ARFGAP1: variants seen among roughly 807,000 people sequenced by gnomAD.
The protein encoded by ARFGAP1 is ARF GTPase activating protein 1, also known as ADP-ribosylation factor GTPase-activating protein 1.
Under a neutral mutation model 54.0 loss-of-function variants are expected in ARFGAP1, and 26 were observed. The observed-to-expected ratio is 0.48, with a 90% CI of 0.35 to 0.67. The LOEUF (loss-of-function observed/expected upper bound fraction) is 0.67, where lower values mean the gene tolerates loss of function less well. Among genes scored for constraint, ARFGAP1 ranks in the 30% least tolerant of loss-of-function variants. ARFGAP1 has a pLI of 0.00. For missense variants in ARFGAP1, 525 were observed against 535.8 expected, an observed-to-expected ratio of 0.98 and a Z score of 0.20; for synonymous variants, 248 against 211.9, an observed-to-expected ratio of 1.17 and a Z score of -1.48.
Position 63,284,881 on chromosome 20 carries a change from C to G in ARFGAP1, c.733C>G (p.His245Asp). The change falls in exon 10 of 13, where the codon CAC becomes GAC. Residue 245 changes from histidine to aspartate, a missense_variant. Transcript: ENST00000370283. Reference protein sequence around the residue: ...QASQKASELGHSLNENVLKPA... With the variant: ...QASQKASELGDSLNENVLKPA... Reference sequence around the variant, plus strand: ...CTTCCTACAGGCGTCCGAGCTGGGCCACAGCCTGAACGAGAACGTCCTCAA... The same window carrying G: ...CTTCCTACAGGCGTCCGAGCTGGGCGACAGCCTGAACGAGAACGTCCTCAA... 1 of 1,613,104 alleles carries G rather than the reference C, an allele frequency of 6.2e-7. No homozygotes were observed. The highest frequency in any genetic ancestry group is 8.5e-7 in the Non-Finnish European group (1 of 1,179,944).
chr20:63,286,126 G>A (rs1420350159), intron 11 of ARFGAP1: 13 of 1,550,084 alleles, frequency 8.4e-6, no homozygotes, highest in Non-Finnish European at 9.6e-6. Flanking sequence ...AGCATGTGGT[G>A]GGAGCTCTTG....
chr20:63,281,868 G>A lies in ARFGAP1; in HGVS notation c.684+521G>A, dbSNP rs555241588. On this transcript the variant is annotated intron_variant, in intron 8 of 12. Coordinates refer to ENST00000370283, the MANE Select transcript of ARFGAP1 (RefSeq NM_018209.4). ...AGCATGGGCCCCCGGGGGCTGGGCTGTGGTGTTACAGGAGAAGGGGAAGCC... is the reference window on the plus strand; with the variant it reads ...AGCATGGGCCCCCGGGGGCTGGGCTATGGTGTTACAGGAGAAGGGGAAGCC... Among the ~76,000 whole-genome samples the A allele has an allele frequency of 2.6e-5, 4 of 152,268 alleles. No homozygotes were observed. The South Asian group carries it at 6.3e-4, about 24-fold the overall frequency.
intron 9 of ARFGAP1, chr20:63,284,648 T>C: frequency 2.2e-6 from 3 of 1,389,324 alleles, no homozygotes; most frequent in Middle Eastern, 3.8e-4. Context: ...CCTGCAAGAA[T>C]TGGTGGGGGC....
In ARFGAP1 at chr20:63,278,844, G is replaced by A. The variant is rs113630351; in HGVS notation, c.531-55G>A. 3.0e-5 allele frequency: 47 copies of A among 1,585,370 alleles called. No homozygotes were observed. In the African/African-American group the frequency reaches 3.2e-4, roughly 11 times the overall value. ...CCTGTGTTCAGGGCCCCACGCCCTC[G>A]GGAGGAGCAGGGTTCATGCCAGCAT... On this transcript the variant is annotated intron_variant, in intron 6 of 12. Transcript: ENST00000370283.
chr20:63,273,615 C>A (rs975593595), intron 1 of ARFGAP1: 5 of 152,206 alleles, frequency 3.3e-5, no homozygotes, highest in African/African-American at 1.2e-4. Flanking sequence ...TAAATCCAAG[C>A]CAAGTCCTTT....
chr20:63,277,994 G>C (rs572005393), intron 5 of ARFGAP1, 123 bp from the exon 6 acceptor site: 3 of 813,014 alleles, frequency 3.7e-6, no homozygotes, highest in African/African-American at 3.4e-5. Flanking sequence ...CCTGGCCTCA[G>C]GTGCTCTCAG....
rs78115653 is a variant in ARFGAP1, at chr20:63,283,009, C to G, written c.717+158C>G. On this transcript the variant is annotated intron_variant, in intron 9 of 12. Transcript: ENST00000370283. ...AAGGGGGTGTTCCTGCCATGCTGTT[C>G]CCCTCCTCATGCCCGGGTGGCTGCC... 6.9e-3 allele frequency: 5,435 copies of G among 787,852 alleles called. 159 individuals are homozygous for G. Among genetic ancestry groups the G allele is most frequent in the East Asian group, 0.055 (2,075 of 37,574 alleles). 48.8% of individuals were successfully genotyped at this position (787,852 alleles called of 1,614,324 possible).
intron 10 of ARFGAP1, chr20:63,285,426 A>C (rs2067505254): frequency 6.8e-6 from 4 of 591,844 alleles, no homozygotes; most frequent in Admixed American, 3.0e-5. Flanking sequence ...ATTTGTCAGC[A>C]GTGGCCGGCA....
rs1342002519 is a variant in ARFGAP1 at position 63,283,095 on chromosome 20, C to T, written c.717+244C>T. ...GTTTCCTGTTCACTGGTAGCTGGTACCGGTGTGTGGCCACTGCAGCCGGCC... is the reference window on the plus strand; with the variant it reads ...GTTTCCTGTTCACTGGTAGCTGGTATCGGTGTGTGGCCACTGCAGCCGGCC... On this transcript the variant is annotated intron_variant, in intron 9 of 12. Coordinates refer to ENST00000370283, the MANE Select transcript of ARFGAP1 (RefSeq NM_018209.4). The T allele has an allele frequency of 3.0e-5, 17 of 569,120 alleles. No individual in the cohort carries two copies. In the East Asian group the frequency reaches 3.8e-4, roughly 13 times the overall value. The allele number at this position is 569,120 out of a possible 1,614,324, so 35.3% of individuals were successfully genotyped here.
intron 7 of ARFGAP1, 45 bp downstream of exon 7, chr20:63,279,040 C>T: frequency 6.3e-7 from 1 of 1,595,382 alleles, no homozygotes; most frequent in South Asian, 1.1e-5. Context: ...GCAGACCCCG[C>T]CCTGAGGGCA....
At chr20:63,287,225 G>A (rs2123325111) in intron 12 of ARFGAP1, among the ~76,000 whole-genome samples, 1 of 152,400 alleles carries the variant, frequency 6.6e-6, no homozygotes, top group Middle Eastern at 3.4e-3. Flanking sequence ...GGGAGGGCCT[G>A]TGTCCCGGCT....
Position 63,288,135 on chromosome 20 carries a change from C to CG in ARFGAP1, c.*266dup, listed in dbSNP as rs2067615088. 5.0e-6 allele frequency: 3 copies of CG among 597,662 alleles called. No homozygotes were observed. The highest frequency in any genetic ancestry group is 9.1e-6 in the Non-Finnish European group (3 of 329,166). 37.0% of individuals were successfully genotyped at this position (597,662 alleles called of 1,614,324 possible). A position where few individuals can be genotyped will look rare whatever the true frequency, so the allele number is the denominator to read the frequency against. ...CCCTGGGCATTCTTGGACTCAAGGC[C>CG]GGGGCTCTGCGTGGCTTGCTGGGAG... On this transcript the variant is annotated 3_prime_UTR_variant, in exon 13 of 13. Coordinates refer to ENST00000370283, the MANE Select transcript of ARFGAP1 (RefSeq NM_018209.4).
chr20:63,275,974 C>A (rs2067225150), intron 2 of ARFGAP1, 117 bp from the exon 3 acceptor site: 3 of 909,258 alleles, frequency 3.3e-6, no homozygotes, highest in African/African-American at 1.6e-5. Context: ...CTGACCCACA[C>A]CCCCGGCCAC....
chr20:63,287,814 A>G lies in ARFGAP1; in HGVS notation c.1162A>G (p.Lys388Glu). ...CGGCGGGGAGGGCGGGGAGGGCACC[A>G]AGAAGGCAGTGCCGCCGGCCGTGCC... ...SDGGEGGEGTKKAVPPAVPTD... is the reference protein window; with the variant it reads ...SDGGEGGEGTEKAVPPAVPTD... The change falls in exon 13 of 13, where the codon AAG becomes GAG. Residue 388 changes from lysine to glutamate, a missense_variant. Lys to Glu is a moderately conservative substitution (Grantham distance 56). Transcript: ENST00000370283. 6.3e-7 allele frequency: 1 copy of G among 1,593,052 alleles called. No homozygotes were observed. Among genetic ancestry groups the G allele is most frequent in the Non-Finnish European group, 8.5e-7 (1 of 1,170,450 alleles).
intron 7 of ARFGAP1, 81 bp from the exon 8 acceptor site, chr20:63,281,210 C>T: frequency 1.4e-6 from 2 of 1,468,878 alleles, no homozygotes; most frequent in South Asian, 1.2e-5. Context: ...CCTTGGTCCT[C>T]TTCCTTGCTG....
In ARFGAP1 at chr20:63,276,744, G is replaced by T; in HGVS notation, c.342+93G>T. 2 of 1,397,604 alleles carry T rather than the reference G, an allele frequency of 1.4e-6. No homozygotes were observed. The allele number at this position is 1,397,604 out of a possible 1,614,324, so 86.6% of individuals were successfully genotyped here. A position where few individuals can be genotyped will look rare whatever the true frequency, so the allele number is the denominator to read the frequency against. ...TGTGGCCTTTAGTGGTTCTGGAGTC[G>T]GTTCTTCTGCTGGTTCTGACACACC... On this transcript the variant is annotated intron_variant, in intron 4 of 12. Transcript: ENST00000370283. The surrounding 1 kb of genome is among the most constrained non-coding windows in gnomAD (Gnocchi z 5.2).
chr20:63,286,424 C>T lies in ARFGAP1; in HGVS notation c.893C>T (p.Ala298Val). Residue 298 changes from alanine to valine, a missense_variant, in exon 12 of 13, where the codon GCA becomes GTA. This residue lies in a region of ARFGAP1 where 466 missense variants were observed against 453.6 expected (regional missense o/e 1.03). Coordinates refer to ENST00000370283, the MANE Select transcript of ARFGAP1 (RefSeq NM_018209.4). Reference sequence around the variant, plus strand: ...GTCACCACCTTTTTTTCGGGGAAAGCAGAGGGCCCCTTGGACAGGTATGCT... The same window carrying T: ...GTCACCACCTTTTTTTCGGGGAAAGTAGAGGGCCCCTTGGACAGGTATGCT... ...RDVTTFFSGK[A>V]EGPLDSPSEG... The T allele has an allele frequency of 6.2e-7, 1 of 1,613,470 alleles. No individual in the cohort carries two copies. Among genetic ancestry groups the T allele is most frequent in the Non-Finnish European group, 8.5e-7 (1 of 1,179,984 alleles).
intron 10 of ARFGAP1, among the ~76,000 whole-genome samples, chr20:63,285,187 C>T (rs1466403118): frequency 6.6e-6 from 1 of 151,958 alleles, no homozygotes; most frequent in Non-Finnish European, 1.5e-5. Flanking sequence ...CTGCCTCACC[C>T]CTACAGCTGG....
rs1225558724 is a variant in ARFGAP1 at position 63,278,620 on chromosome 20, A to G, written c.531-279A>G. 3 of 508,818 alleles carry G rather than the reference A, an allele frequency of 5.9e-6. No individual in the cohort carries two copies. The Admixed American group carries it at 1.1e-4, about 19-fold the overall frequency. The allele number at this position is 508,818 out of a possible 1,614,324, so 31.5% of individuals were successfully genotyped here. The stretch of plus-strand genomic sequence containing the variant: ...ACCTATAAATGAATTTTTATCCCCA[A>G]AGCTGTCATATTAAGTTGTTTTGAT... On this transcript the variant is annotated intron_variant, in intron 6 of 12. Transcript: ENST00000370283.
Sources: allele counts gnomAD v4.1 joint callset (sites outside exome capture counted in the v4.1 genomes callset), GRCh38; gene constraint gnomAD v4.1.1; regional missense constraint gnomAD v4.1.1; non-coding constraint Gnocchi (gnomAD v3.1); transcripts MANE v1.5; gene names NCBI Gene and HGNC (gene_info 2026-07-23, HGNC 2026-07-21).